The following CMTR1 variants were observed in gnomAD, a reference collection of about 807,000 sequenced individuals.
CMTR1 encodes cap-specific mRNA (nucleoside-2'-O-)-methyltransferase 1.
In CMTR1, 39 loss-of-function variants were observed where a neutral mutation model predicts 107.0. That is an observed-to-expected ratio of 0.36 (90% CI 0.28 to 0.48). The LOEUF is 0.48. Ranked by LOEUF, CMTR1 falls within the 20% of genes least tolerant of loss-of-function variation. The probability of loss-of-function intolerance (pLI) is 0.99; values close to 1 mark genes in which losing one functional copy is unlikely to be tolerated. For synonymous variants in CMTR1, 366 were observed against 379.5 expected, an observed-to-expected ratio of 0.96 and a Z score of 0.41; for missense variants, 672 against 1,064.9, an observed-to-expected ratio of 0.63 and a Z score of 5.14.
intron 11 of CMTR1, 65 bp downstream of exon 11, chr6:37,461,710 T>A: frequency 3.6e-6 from 4 of 1,116,532 alleles, no homozygotes; most frequent in Non-Finnish European, 3.9e-6. Context: ...GACAAGAACA[T>A]GTACAAGGGG....
intron 13 of CMTR1, among the ~76,000 whole-genome samples, chr6:37,468,804 A>G (rs1271088001): frequency 1.3e-5 from 2 of 152,138 alleles, no homozygotes; most frequent in African/African-American, 4.8e-5. Flanking sequence ...AATCACTTGA[A>G]CCTGGGAGGC....
intron 23 of CMTR1, 35 bp downstream of exon 23, chr6:37,479,290 C>A: frequency 7.0e-7 from 1 of 1,433,854 alleles, no homozygotes; most frequent in Non-Finnish European, 9.8e-7. Context: ...CCCTCCTTAG[C>A]AGCCTCAAGT....
In CMTR1 at chr6:37,444,114, C is replaced by A. The variant is rs1771732229; in HGVS notation, c.249C>A (p.Arg83=). 1.2e-6 allele frequency: 2 copies of A among 1,614,174 alleles called. No individual in the cohort carries two copies. Among genetic ancestry groups the A allele is most frequent in the East Asian group, 4.5e-5 (2 of 44,892 alleles). ...ADSLVEGTSS[R]YSMYNSVSQK... Reference sequence around the variant, plus strand: ...CTCTTGTGGAAGGAACTTCTTCTCGCTATTCCATGTATAATAGCGTCTCCC... The same window carrying A: ...CTCTTGTGGAAGGAACTTCTTCTCGATATTCCATGTATAATAGCGTCTCCC... The change falls in exon 3 of 24, where the codon CGC becomes CGA. Residue 83 remains arginine (R), a synonymous_variant. Transcript: ENST00000373451.
intron 2 of CMTR1, among the ~76,000 whole-genome samples, chr6:37,437,943 G>A (rs1760071827): frequency 6.6e-6 from 1 of 152,192 alleles, no homozygotes; most frequent in African/African-American, 2.4e-5. Flanking sequence ...GAAGGTAAGT[G>A]TATAAGGGTA....
intron 13 of CMTR1, among the ~76,000 whole-genome samples, chr6:37,468,060 G>A (rs1472098209): frequency 1.4e-5 from 2 of 147,270 alleles, no homozygotes; most frequent in African/African-American, 2.5e-5. Flanking sequence ...TTTGTGGGGG[G>A]GGGGACTAAT....
intron 12 of CMTR1, 80 bp downstream of exon 12, chr6:37,462,182 G>A: frequency 6.6e-7 from 1 of 1,515,296 alleles, no homozygotes; most frequent in Non-Finnish European, 9.1e-7. Flanking sequence ...TCTCTGGCAT[G>A]ACCTCTTAAG....
chr6:37,445,528 G>T (rs565277493), intron 3 of CMTR1, among the ~76,000 whole-genome samples: 1 of 123,442 alleles, frequency 8.1e-6, no homozygotes, highest in Non-Finnish European at 1.6e-5. Context: ...TTGCTCTGTC[G>T]CCCAGGCTGG....
At chr6:37,429,851 T>C (rs958139345), upstream of CMTR1, among the ~76,000 whole-genome samples, 5 of 152,034 alleles carry the variant, frequency 3.3e-5, no homozygotes, top group African/African-American at 1.2e-4. Flanking sequence ...GGCAGGAGAA[T>C]TGCTTGAACC....
intron 13 of CMTR1, among the ~76,000 whole-genome samples, chr6:37,465,279 GTA>G (rs1761485686): frequency 6.6e-6 from 1 of 151,022 alleles, no homozygotes; most frequent in South Asian, 2.1e-4. Context: ...AAAAAAAAAA[GTA>G]TATTATATAT....
chr6:37,471,379 G>A (rs964083481), intron 14 of CMTR1, among the ~76,000 whole-genome samples: 6 of 152,074 alleles, frequency 3.9e-5, no homozygotes, highest in Non-Finnish European at 8.8e-5. Context: ...AATGTTCAGG[G>A]GACACAGAGT....
At chr6:37,425,100 C>A in the CMTR1 span, among the ~76,000 whole-genome samples, 1 of 149,090 alleles carries the variant, frequency 6.7e-6, no homozygotes, top group Admixed American at 6.7e-5. Flanking sequence ...AGGCACCCAC[C>A]ACCCAGCTAA....
At chr6:37,466,370 G>A (rs1378659144) in intron 13 of CMTR1, among the ~76,000 whole-genome samples, 1 of 152,164 alleles carries the variant, frequency 6.6e-6, no homozygotes, top group South Asian at 2.1e-4. Context: ...TCTTGACTTC[G>A]TGATCCTCCT....
At chr6:37,450,206 G>A (rs1160921441) in intron 4 of CMTR1, 45 bp from the exon 5 acceptor site, 1 of 1,506,434 alleles carries the variant, frequency 6.6e-7, no homozygotes. Context: ...GTTTAGCTTT[G>A]AGGGTGTGTC....
At chr6:37,444,907 T>C (rs1428709801) in intron 3 of CMTR1, among the ~76,000 whole-genome samples, 1 of 152,056 alleles carries the variant, frequency 6.6e-6, no homozygotes, top group Non-Finnish European at 1.5e-5. Context: ...GTGCCTGTAA[T>C]CCCAGCTCCT....
chr6:37,425,100 C>T, the CMTR1 span, among the ~76,000 whole-genome samples: 3 of 149,090 alleles, frequency 2.0e-5, no homozygotes, highest in Admixed American at 2.0e-4. Flanking sequence ...AGGCACCCAC[C>T]ACCCAGCTAA....
In CMTR1 at chr6:37,472,466, G is replaced by T; in HGVS notation, c.1668G>T (p.Ser556=). 1 of 1,614,108 alleles carries T rather than the reference G, an allele frequency of 6.2e-7. No homozygotes were observed. The highest frequency in any genetic ancestry group is 2.2e-5 in the East Asian group (1 of 44,882). ...CTCCTTCTTCCTCCGACCCTAAATC[G>T]AAGTTCTTTGAGCTAATCCAGGTAA... is the stretch of plus-strand genomic sequence containing the variant. ...RVAPSSSDPK[S]KFFELIQGTE... Residue 556 remains serine, a synonymous_variant, in exon 16 of 24, where the codon TCG becomes TCT. Transcript: ENST00000373451. This position sits in a 1 kb window ranked among gnomAD's most constrained non-coding sequence, Gnocchi z 4.1.
intron 2 of CMTR1, among the ~76,000 whole-genome samples, chr6:37,437,033 A>G (rs1236178796): frequency 6.6e-6 from 1 of 152,202 alleles, no homozygotes. Context: ...CAGGTGGTAC[A>G]GCGAATGGAG....
chr6:37,476,188 C>T lies in CMTR1; in HGVS notation c.2099C>T (p.Pro700Leu), dbSNP rs1235667568. The T allele has an allele frequency of 6.2e-7, 1 of 1,613,916 alleles. No individual in the cohort carries two copies. Among genetic ancestry groups the T allele is most frequent in the Non-Finnish European group, 8.5e-7 (1 of 1,179,972 alleles). The part of the protein sequence containing the change: ...VSKPSRPDMN[P>L]IRVKEVYRLE... ...AAGCCTAGTCGGCCCGACATGAATCCCATCAGGTGAGCATGTGGTCCCTAC... is the reference window on the plus strand; with the variant it reads ...AAGCCTAGTCGGCCCGACATGAATCTCATCAGGTGAGCATGTGGTCCCTAC... Residue 700 changes from proline (P) to leucine (L), a missense_variant, in exon 20 of 24, where the codon CCC (proline) becomes CTC (leucine). Pro to Leu is a moderately conservative substitution (Grantham distance 98). Coordinates refer to ENST00000373451, the MANE Select transcript of CMTR1 (RefSeq NM_015050.3).
chr6:37,438,751 A>G (rs1486757099), intron 2 of CMTR1, among the ~76,000 whole-genome samples: 1 of 152,198 alleles, frequency 6.6e-6, no homozygotes, highest in Admixed American at 6.5e-5. Flanking sequence ...GCAGAAGATC[A>G]TTTCATTAAG....
Sources: allele counts gnomAD v4.1 joint callset (sites outside exome capture counted in the v4.1 genomes callset), GRCh38; gene constraint gnomAD v4.1.1; non-coding constraint Gnocchi (gnomAD v3.1); transcripts MANE v1.5; gene names NCBI Gene and HGNC (gene_info 2026-07-23, HGNC 2026-07-21).